CAMTA1: variants seen among roughly 807,000 people sequenced by gnomAD.
CAMTA1 encodes the protein calmodulin binding transcription activator 1.
CAMTA1 carries 27 observed loss-of-function variants against 170.9 expected under a neutral mutation model. The observed-to-expected ratio is 0.16, with a 90% CI of 0.12 to 0.22. The LOEUF is 0.22. Ranked by LOEUF, CAMTA1 falls within the 10% of genes least tolerant of loss-of-function variation. The pLI, the probability that CAMTA1 is intolerant of heterozygous loss-of-function variation, is 1.00. For missense variants in CAMTA1, 1,619 were observed against 2,217.2 expected, an observed-to-expected ratio of 0.73 and a Z score of 5.42; for synonymous variants, 833 against 891.5, an observed-to-expected ratio of 0.93 and a Z score of 1.17.
chr1:7,421,070 A>G (rs2091527636), intron 5 of CAMTA1, among the ~76,000 whole-genome samples: 1 of 152,090 alleles, frequency 6.6e-6, no homozygotes, highest in Non-Finnish European at 1.5e-5. Flanking sequence ...TCTGGCCTTC[A>G]TCCAGGACAT....
intron 5 of CAMTA1, among the ~76,000 whole-genome samples, chr1:7,318,413 T>C (rs943027971): frequency 6.6e-6 from 1 of 152,122 alleles, no homozygotes; most frequent in Non-Finnish European, 1.5e-5. Context: ...TAACAGGGAA[T>C]GGGAGGCGAA....
chr1:7,543,615 A>G (rs1418660356), intron 6 of CAMTA1, among the ~76,000 whole-genome samples: 2 of 152,196 alleles, frequency 1.3e-5, no homozygotes, highest in South Asian at 2.1e-4. Context: ...TGATGTTAAC[A>G]TTGTTCTCAA....
chr1:7,679,686 A>G (rs763370890), intron 11 of CAMTA1, among the ~76,000 whole-genome samples: 16 of 152,182 alleles, frequency 1.1e-4, no homozygotes, highest in Admixed American at 2.0e-4. Flanking sequence ...GGCGGCGATG[A>G]CATCAAGGCC....
chr1:7,697,959 G>A (rs2096394357), intron 11 of CAMTA1, among the ~76,000 whole-genome samples: 1 of 152,100 alleles, frequency 6.6e-6, no homozygotes, highest in South Asian at 2.1e-4. Context: ...GCCGTGGGTT[G>A]GCCAAGCTCA....
intron 3 of CAMTA1, among the ~76,000 whole-genome samples, chr1:6,847,656 C>T (rs1329354361): frequency 6.6e-6 from 1 of 151,534 alleles, no homozygotes; most frequent in Non-Finnish European, 1.5e-5. Context: ...CTTCCTGCCT[C>T]AGCCTCCCTA....
chr1:7,493,886 C>G lies in CAMTA1; in HGVS notation c.510+25985C>G, dbSNP rs2093781859. On this transcript the variant is annotated intron_variant, in intron 6 of 22. Coordinates refer to ENST00000303635, the MANE Select transcript of CAMTA1 (RefSeq NM_015215.4). ...GTCGGGGGCGGGATGCTGCTGAGAC[C>G]TCTGCAGTGCTGGATGGCCCCATGG... Among the ~76,000 whole-genome samples, 5 of 152,222 alleles carry G rather than the reference C, an allele frequency of 3.3e-5. 1 individual carries two copies. The highest frequency in any genetic ancestry group is 3.3e-4 in the Admixed American group (5 of 15,288).
intron 5 of CAMTA1, among the ~76,000 whole-genome samples, chr1:7,302,166 G>T (rs1286922422): frequency 1.6e-5 from 2 of 122,130 alleles, no homozygotes; most frequent in African/African-American, 2.5e-5. Context: ...TTTGGTGGGG[G>T]TGGGGGGTCT....
At chr1:7,553,578 C>T (rs2094836770) in intron 6 of CAMTA1, among the ~76,000 whole-genome samples, 1 of 152,220 alleles carries the variant, frequency 6.6e-6, no homozygotes, top group African/African-American at 2.4e-5. Flanking sequence ...CCCATCTGTG[C>T]ACAGAACCTG....
At chr1:6,803,936 A>G (rs1161900953) in intron 1 of CAMTA1, among the ~76,000 whole-genome samples, 2 of 151,550 alleles carry the variant, frequency 1.3e-5, no homozygotes, top group Admixed American at 1.3e-4. Context: ...TAATCCCAGC[A>G]CTTTGGGAGG....
chr1:7,234,473 A>C lies in CAMTA1; in HGVS notation c.303-15018A>C, dbSNP rs1053225365. ...CTGTGCGTCATTGTTCTTCCTCCCT[A>C]CCGGACTGCAAGCTGTGCAGAGGCA... On this transcript the variant is annotated intron_variant, in intron 4 of 22. Transcript: ENST00000303635. The surrounding 1 kb of genome is among the most constrained non-coding windows in gnomAD (Gnocchi z 5.0). 3.3e-5 allele frequency among the ~76,000 whole-genome samples: 5 copies of C among 151,880 alleles called. No individual in the cohort carries two copies. Among genetic ancestry groups the C allele is most frequent in the African/African-American group, 1.2e-4 (5 of 41,320 alleles).
Position 7,362,937 on chromosome 1 carries a change from G to A in CAMTA1, c.439-104893G>A, listed in dbSNP as rs573880561. On this transcript the variant is annotated intron_variant, in intron 5 of 22. Transcript: ENST00000303635. ...TAGGGTTGATGGACTTGAATAGAGC[G>A]AGTGAACTTGGGTAGAGGTGGTGGA... Among the ~76,000 whole-genome samples, 230 of 151,694 alleles carry A rather than the reference G, an allele frequency of 1.5e-3. 1 individual carries two copies. The highest frequency in any genetic ancestry group is 3.4e-3 in the Middle Eastern group (1 of 290).
chr1:7,023,587 T>C (rs1188100341), intron 3 of CAMTA1, among the ~76,000 whole-genome samples: 1 of 152,046 alleles, frequency 6.6e-6, no homozygotes, highest in African/African-American at 2.4e-5. Flanking sequence ...TAGGAGATAA[T>C]GGGATGAAAC....
In CAMTA1 at chr1:6,934,907, G is replaced by C. The variant is rs866106395; in HGVS notation, c.234+109697G>C. ...AATAAAAAGTCCACCAAACTCCTTA[G>C]GCCAGTCGAAAGCACCTAACTCAGA... On this transcript the variant is annotated intron_variant, in intron 3 of 22. Coordinates refer to ENST00000303635, the MANE Select transcript of CAMTA1 (RefSeq NM_015215.4). The surrounding 1 kb of genome is among the most constrained non-coding windows in gnomAD (Gnocchi z 4.5). Among the ~76,000 whole-genome samples, 1 of 152,148 alleles carries C rather than the reference G, an allele frequency of 6.6e-6. No individual in the cohort carries two copies.
chr1:6,826,601 C>T (rs1647144253), intron 3 of CAMTA1, among the ~76,000 whole-genome samples: 1 of 152,146 alleles, frequency 6.6e-6, no homozygotes, highest in Non-Finnish European at 1.5e-5. Flanking sequence ...AGATTTGATA[C>T]CAAATTATTA....
intron 5 of CAMTA1, among the ~76,000 whole-genome samples, chr1:7,367,951 G>A (rs574357979): frequency 1.3e-3 from 177 of 137,750 alleles, no homozygotes; most frequent in African/African-American, 4.7e-3. Context: ...CACTGGGCAT[G>A]GATGGTTTCA....
chr1:7,149,170 G>C (rs1464775305), intron 4 of CAMTA1, among the ~76,000 whole-genome samples: 1 of 152,230 alleles, frequency 6.6e-6, no homozygotes. Flanking sequence ...CCACTGAGTG[G>C]AGAGGGCGGC....
rs553074266 is a variant in CAMTA1, at chr1:7,049,842, A to G, written c.235-41462A>G. Among the ~76,000 whole-genome samples, 15 of 152,330 alleles carry G rather than the reference A, an allele frequency of 9.8e-5. No homozygotes were observed. In the South Asian group the frequency reaches 3.1e-3, roughly 32 times the overall value. On this transcript the variant is annotated intron_variant, in intron 3 of 22. Transcript: ENST00000303635. ...TTCATCCCATGACTTAGTGTGTGTC[A>G]GGCACTGTCCTGGACACTAGGATGT...
At position 7,257,520 on chromosome 1, in the gene CAMTA1, A is replaced by G. The variant is rs114924218; in HGVS notation, c.438+7894A>G. 7.8e-3 allele frequency among the ~76,000 whole-genome samples: 1,186 copies of G among 152,106 alleles called. 16 individuals carry two copies. Among genetic ancestry groups the G allele is most frequent in the African/African-American group, 0.027 (1,112 of 41,466 alleles). On this transcript the variant is annotated intron_variant, in intron 5 of 22. Transcript: ENST00000303635. ...CTCCCAGCATGAACTGCCCATTTCC[A>G]TTTGTCCTGAAGCCGTAGCTTCCGA... is the stretch of plus-strand genomic sequence containing the variant.
chr1:7,356,849 G>A (rs774036919), intron 5 of CAMTA1, among the ~76,000 whole-genome samples: 32 of 152,198 alleles, frequency 2.1e-4, no homozygotes, highest in Non-Finnish European at 3.5e-4. Flanking sequence ...TCCCTTCTCT[G>A]AGATTAGGTG....
Sources: allele counts gnomAD v4.1 joint callset (sites outside exome capture counted in the v4.1 genomes callset), GRCh38; gene constraint gnomAD v4.1.1; non-coding constraint Gnocchi (gnomAD v3.1); transcripts MANE v1.5; gene names NCBI Gene and HGNC (gene_info 2026-07-23, HGNC 2026-07-21).